The following PIWIL2 variants were observed in gnomAD, a reference collection of about 807,000 sequenced individuals.
PIWIL2 encodes piwi like RNA-mediated gene silencing 2, also known as piwi-like protein 2.
PIWIL2 carries 81 observed loss-of-function variants against 116.5 expected under a neutral mutation model. That is an observed-to-expected ratio of 0.70 (90% CI 0.58 to 0.84). PIWIL2 has a LOEUF of 0.84. PIWIL2 is among the 40% of genes least tolerant of loss of function. The pLI, the probability that PIWIL2 is intolerant of heterozygous loss-of-function variation, is 0.00. For synonymous variants in PIWIL2, 489 were observed against 429.5 expected, an observed-to-expected ratio of 1.14 and a Z score of -1.71; for missense variants, 1,272 against 1,212.3, an observed-to-expected ratio of 1.05 and a Z score of -0.73.
intron 12 of PIWIL2, among the ~76,000 whole-genome samples, chr8:22,305,254 G>A (rs1268205030): frequency 1.3e-5 from 2 of 151,334 alleles, no homozygotes; most frequent in African/African-American, 4.9e-5. Flanking sequence ...GTGCAGCAGC[G>A]CAATCTCAGC....
rs1388836818 is a variant in PIWIL2 at position 22,281,362 on chromosome 8, G to A, written c.287-15G>A. On this transcript the variant is annotated splice_polypyrimidine_tract_variant and intron_variant, in intron 3 of 22. Transcript: ENST00000356766. ...TAAGTCATAGTCATTGCTGGGGTTCGGTTCTTTCTTTCAGGTAGAGGCATT... is the reference window on the plus strand; with the variant it reads ...TAAGTCATAGTCATTGCTGGGGTTCAGTTCTTTCTTTCAGGTAGAGGCATT... 7 of 1,604,990 alleles carry A rather than the reference G, an allele frequency of 4.4e-6. No homozygotes were observed. The highest frequency in any genetic ancestry group is 2.2e-5 in the East Asian group (1 of 44,708).
chr8:22,318,119 G>A (rs771545600), intron 19 of PIWIL2, 51 bp from the exon 20 acceptor site: 6 of 1,157,088 alleles, frequency 5.2e-6, no homozygotes, highest in Non-Finnish European at 6.5e-6. Flanking sequence ...TGTCCCCTTC[G>A]AGCATTTGTT....
At chr8:22,305,175 T>TCA (rs1436203904) in intron 12 of PIWIL2, among the ~76,000 whole-genome samples, 13 of 101,500 alleles carry the variant, frequency 1.3e-4, no homozygotes, top group African/African-American at 4.5e-4. Context: ...AGATATTCAT[T>TCA]TATTTATTTA....
chr8:22,308,193 C>G, intron 14 of PIWIL2, 120 bp downstream of exon 14: 1 of 721,742 alleles, frequency 1.4e-6, no homozygotes, highest in Non-Finnish European at 2.0e-6. Context: ...TAATATTTTT[C>G]TAAGTTTTTT....
chr8:22,295,596 A>T (rs1406724533), intron 10 of PIWIL2, among the ~76,000 whole-genome samples: 1 of 152,114 alleles, frequency 6.6e-6, no homozygotes, highest in Non-Finnish European at 1.5e-5. Flanking sequence ...GTAGCTGCTC[A>T]GCCCCGAGAG....
At chr8:22,317,262 T>G (rs1441576862) in intron 19 of PIWIL2, among the ~76,000 whole-genome samples, 2 of 152,218 alleles carry the variant, frequency 1.3e-5, no homozygotes, top group Non-Finnish European at 2.9e-5. Flanking sequence ...CTGCAGAAAT[T>G]GAGAAAGTGA....
At chr8:22,321,785 T>C (rs765020591) in intron 20 of PIWIL2, 1 of 788,396 alleles carries the variant, frequency 1.3e-6, no homozygotes, top group Non-Finnish European at 1.5e-6. Flanking sequence ...CAAATTTGCT[T>C]TGGGGTTCTA....
In PIWIL2 at chr8:22,286,217, C is replaced by T. The variant is rs116615232; in HGVS notation, c.744-1311C>T. ...TTGTGATCTTCTAGCAGTTTTGTTA[C>T]AGTTGTAGAGAAAAAAAAGGAAAGA... On this transcript the variant is annotated intron_variant, in intron 6 of 22. Transcript: ENST00000356766. Among the ~76,000 whole-genome samples, 870 of 152,036 alleles carry T rather than the reference C, an allele frequency of 5.7e-3. 11 individuals carry two copies. The highest frequency in any genetic ancestry group is 0.02 in the African/African-American group (821 of 41,454).
intron 15 of PIWIL2, among the ~76,000 whole-genome samples, chr8:22,310,310 A>G (rs998515015): frequency 3.3e-5 from 5 of 152,224 alleles, no homozygotes; most frequent in Admixed American, 6.5e-5. Flanking sequence ...GGTAATTCAC[A>G]TAGTGCCAAC....
chr8:22,348,965 AAC>A (rs1832289878), intron 20 of PIWIL2, among the ~76,000 whole-genome samples: 1 of 152,020 alleles, frequency 6.6e-6, no homozygotes, highest in Non-Finnish European at 1.5e-5. Flanking sequence ...TGGTGCCTTG[AAC>A]TCAGTGGTTA....
intron 20 of PIWIL2, chr8:22,321,930 G>A (rs1183594846): frequency 1.0e-5 from 10 of 984,766 alleles, no homozygotes; most frequent in Admixed American, 6.2e-5. Flanking sequence ...ATCACGGCTC[G>A]CTAGTCCAAA....
intron 20 of PIWIL2, among the ~76,000 whole-genome samples, chr8:22,340,308 C>T (rs1426854171): frequency 6.6e-6 from 1 of 152,068 alleles, no homozygotes; most frequent in African/African-American, 2.4e-5. Context: ...CTGCCTGCCT[C>T]GGCCTCCCGA....
chr8:22,283,335 G>A, intron 5 of PIWIL2, 95 bp downstream of exon 5: 1 of 931,654 alleles, frequency 1.1e-6, no homozygotes, highest in Non-Finnish European at 1.7e-6. Context: ...TTTGTGTTGG[G>A]TCCTCCCTGG....
At chr8:22,336,991 A>T (rs143280861) in intron 20 of PIWIL2, among the ~76,000 whole-genome samples, 116 of 152,342 alleles carry the variant, frequency 7.6e-4, no homozygotes, top group African/African-American at 2.5e-3. Flanking sequence ...AACAAATTAG[A>T]TGCCCTAAAT....
intron 15 of PIWIL2, among the ~76,000 whole-genome samples, chr8:22,310,660 G>T (rs576980178): frequency 6.6e-5 from 10 of 152,036 alleles, no homozygotes; most frequent in Admixed American, 3.3e-4. Context: ...CACACCAAGG[G>T]TTAAGATGCA....
chr8:22,297,648 G>A (rs1479363292), intron 10 of PIWIL2, among the ~76,000 whole-genome samples: 1 of 152,148 alleles, frequency 6.6e-6, no homozygotes, highest in East Asian at 1.9e-4. Context: ...TACAGTATGG[G>A]AGAGAGATTG....
At chr8:22,284,060 G>A (rs1016529247) in intron 5 of PIWIL2, 102 bp from the exon 6 acceptor site, 15 of 593,116 alleles carry the variant, frequency 2.5e-5, no homozygotes, top group African/African-American at 2.3e-4. Context: ...GTGAAAAAAT[G>A]TTACTTCCCC....
At chr8:22,305,101 TA>T (rs1270608490) in intron 12 of PIWIL2, among the ~76,000 whole-genome samples, 1 of 152,212 alleles carries the variant, frequency 6.6e-6, no homozygotes, top group Non-Finnish European at 1.5e-5. Flanking sequence ...GCTATTAGGT[TA>T]AAGAGTTAAG....
intron 20 of PIWIL2, among the ~76,000 whole-genome samples, chr8:22,319,683 C>T (rs75122028): frequency 6.6e-6 from 1 of 152,166 alleles, no homozygotes; most frequent in Non-Finnish European, 1.5e-5. Context: ...TCCATGTGGG[C>T]CTTGTTGTAT....
Sources: gnomAD v4.1 joint callset for allele counts (sites outside exome capture counted in the v4.1 genomes callset) on GRCh38, gnomAD v4.1.1 for gene constraint, MANE v1.5 for transcripts, NCBI Gene and HGNC (gene_info 2026-07-23, HGNC 2026-07-21) for gene names.